The following SYMPK variants were observed in gnomAD, a reference collection of about 807,000 sequenced individuals.
The protein encoded by SYMPK is symplekin scaffold protein, also known as symplekin.
Under a neutral mutation model 136.4 loss-of-function variants are expected in SYMPK, and 49 were observed. That is an observed-to-expected ratio of 0.36 (90% CI 0.29 to 0.46). SYMPK has a LOEUF of 0.46. SYMPK is among the 20% of genes least tolerant of loss of function. The probability of loss-of-function intolerance (pLI) is 1.00; values close to 1 mark genes in which losing one functional copy is unlikely to be tolerated. For synonymous variants in SYMPK, 766 were observed against 713.0 expected, an observed-to-expected ratio of 1.07 and a Z score of -1.19; for missense variants, 1,365 against 1,690.0, an observed-to-expected ratio of 0.81 and a Z score of 3.37.
At chr19:45,849,011 C>T (rs758174712) in intron 5 of SYMPK, 135 bp from the exon 6 acceptor site, 322 of 1,077,236 alleles carry the variant, frequency 3.0e-4, no homozygotes, top group Non-Finnish European at 4.2e-4. Flanking sequence ...AAGCTGGGAA[C>T]AGTGCTTGGT....
In SYMPK at chr19:45,841,829, G is replaced by A. The variant is rs1380358714; in HGVS notation, c.1087+421C>T. Among the ~76,000 whole-genome samples the A allele has an allele frequency of 4.6e-5, 7 of 152,100 alleles. No homozygotes were observed. The East Asian group carries it at 9.6e-4, about 21-fold the overall frequency. The stretch of plus-strand genomic sequence containing the variant: ...CTTCTGGAGGAAAACATAAAGAAGT[G>A]TTCACACCTGGGGAGTGGTTACTTC... On this transcript the variant is annotated intron_variant, in intron 9 of 26. Transcript: ENST00000245934.
Position 45,821,824 on chromosome 19 carries a change from C to T in SYMPK, c.2792-339G>A, listed in dbSNP as rs549704992. On this transcript the variant is annotated intron_variant, in intron 21 of 26. Transcript: ENST00000245934. This position sits in a 1 kb window ranked among gnomAD's most constrained non-coding sequence, Gnocchi z 4.4. ...GTGGTCCCCAACACAGACTCCACCG[C>T]GGCACAGGGGGTCATGGGCATTTGT... 1.6e-4 allele frequency among the ~76,000 whole-genome samples: 24 copies of T among 152,238 alleles called. No individual in the cohort carries two copies. The highest frequency in any genetic ancestry group is 3.9e-4 in the Admixed American group (6 of 15,282).
chr19:45,838,921 T>C (rs569387334), intron 9 of SYMPK, among the ~76,000 whole-genome samples: 1 of 152,328 alleles, frequency 6.6e-6, no homozygotes, highest in African/African-American at 2.4e-5. Flanking sequence ...ACAGTCTTGC[T>C]CGTCACCGAG....
chr19:45,837,616 C>CA (rs58960244), intron 10 of SYMPK, among the ~76,000 whole-genome samples: 32,757 of 77,576 alleles, frequency 0.42, 6,884 homozygotes, highest in Non-Finnish European at 0.43. Flanking sequence ...GACTCTGCCT[C>CA]AAAAAAAAAA....
chr19:45,837,910 C>T (rs28433213), intron 10 of SYMPK, among the ~76,000 whole-genome samples: 14,910 of 152,052 alleles, frequency 0.098, 730 homozygotes, highest in Non-Finnish European at 0.099. Context: ...AGTTCTGCCA[C>T]ATGAGTCTGA....
intron 15 of SYMPK, 21 bp downstream of exon 15, chr19:45,827,816 C>A: frequency 6.2e-7 from 1 of 1,613,350 alleles, no homozygotes; most frequent in Non-Finnish European, 8.5e-7. Flanking sequence ...CCGGGCTGCA[C>A]TGACCAGGGC....
chr19:45,838,321 G>T, intron 10 of SYMPK, 140 bp downstream of exon 10: 1 of 1,081,364 alleles, frequency 9.2e-7, no homozygotes, highest in Admixed American at 2.8e-5. Context: ...CTGCAGAACT[G>T]TAAGCCAATT....
At chr19:45,816,312 T>A in intron 25 of SYMPK, 129 bp from the exon 26 acceptor site, 1 of 1,147,704 alleles carries the variant, frequency 8.7e-7, no homozygotes, top group South Asian at 1.6e-5. Context: ...GGGGCAGTTG[T>A]CCCCCAGACC....
At chr19:45,830,338 CTG>C (rs1971138843) in intron 12 of SYMPK, 134 bp from the exon 13 acceptor site, 1 of 1,043,516 alleles carries the variant, frequency 9.6e-7, no homozygotes, top group South Asian at 1.6e-5. Context: ...TCCAGTTCCT[CTG>C]TGTCTCTGAG....
Position 45,816,782 on chromosome 19 carries a change from TGG to T in SYMPK, c.3258+14_3258+15del. The T allele has an allele frequency of 6.6e-7, 1 of 1,511,710 alleles. No individual in the cohort carries two copies. 93.6% of individuals were successfully genotyped at this position (1,511,710 alleles called of 1,614,324 possible). A position where few individuals can be genotyped will look rare whatever the true frequency, so the allele number is the denominator to read the frequency against. ...CTGGGTGGGGGGAAAGGGTACCTGG[TGG>T]GGGGAAGGGGTACCTGGTGGGGGGT... On this transcript the variant is annotated intron_variant, in intron 24 of 26. Coordinates refer to ENST00000245934, the MANE Select transcript of SYMPK (RefSeq NM_004819.3).
Position 45,852,331 on chromosome 19 carries a change from C to A in SYMPK, c.280G>T (p.Gly94Cys), listed in dbSNP as rs770918794. ...CCATACCATGCCTCCTCGATGAAGC[C>A]GATGACAAATTTTCGCACTTCGATT... ...KSIEVRKFVI[G>C]FIEEACKRDI... is the part of the protein sequence containing the mutation. The change falls in exon 5 of 27, where the codon GGC becomes TGC. Residue 94 changes from glycine to cysteine, a missense_variant. Around this residue, in one of 11 missense-constraint regions of SYMPK, gnomAD observed 237 missense variants for 292.9 expected, o/e 0.81. Coordinates refer to ENST00000245934, the MANE Select transcript of SYMPK (RefSeq NM_004819.3). 1.2e-6 allele frequency: 2 copies of A among 1,614,074 alleles called. No homozygotes were observed. The highest frequency in any genetic ancestry group is 1.1e-5 in the South Asian group (1 of 91,092).
chr19:45,852,365 T>C lies in SYMPK; in HGVS notation c.246A>G (p.Ala82=). The C allele has an allele frequency of 6.2e-7, 1 of 1,614,220 alleles. No homozygotes were observed. Among genetic ancestry groups the C allele is most frequent in the South Asian group, 1.1e-5 (1 of 91,084 alleles). ...NFLDEIIAFQ[A]DKSIEVRKFV... ...ATTTTCGCACTTCGATTGACTTGTC[T>C]GCTTGGAATGCGATGATCTCCTGCC... Residue 82 remains alanine, a synonymous_variant, in exon 5 of 27, where the codon GCA becomes GCG. Coordinates refer to ENST00000245934, the MANE Select transcript of SYMPK (RefSeq NM_004819.3).
In SYMPK at chr19:45,822,545, C is replaced by T. The variant is rs115996878; in HGVS notation, c.2791+211G>A. On this transcript the variant is annotated intron_variant, in intron 21 of 26. Coordinates refer to ENST00000245934, the MANE Select transcript of SYMPK (RefSeq NM_004819.3). The stretch of plus-strand genomic sequence containing the variant: ...GCTGGAGCCTCCGCCCCTAGCTCCA[C>T]GGTCTTGCCCCTGCTGTGAATGAAA... Among the ~76,000 whole-genome samples, 409 of 152,322 alleles carry T rather than the reference C, an allele frequency of 2.7e-3. 1 individual carries two copies. Among genetic ancestry groups the T allele is most frequent in the African/African-American group, 9.1e-3 (378 of 41,572 alleles).
chr19:45,816,500 A>G lies in SYMPK; in HGVS notation c.3336T>C (p.Pro1112=). 1 of 1,613,002 alleles carries G rather than the reference A, an allele frequency of 6.2e-7. No individual in the cohort carries two copies. Among genetic ancestry groups the G allele is most frequent in the East Asian group, 2.2e-5 (1 of 44,852 alleles). ...GKQEPEAKEA[P]AGPLEEDDLE... is the part of the protein sequence containing the mutation. ...CCCTCACCTCCTCCAAGGGCCCCGC[A>G]GGCGCCTCCTTGGCCTCTGGCTCCT... The change falls in exon 25 of 27, where the codon CCT becomes CCC. Residue 1112 remains proline (P), a synonymous_variant. Coordinates refer to ENST00000245934, the MANE Select transcript of SYMPK (RefSeq NM_004819.3).
Position 45,854,408 on chromosome 19 carries a change from T to C in SYMPK, c.88A>G (p.Met30Val). The C allele has an allele frequency of 6.2e-7, 1 of 1,614,158 alleles. No individual in the cohort carries two copies. The highest frequency in any genetic ancestry group is 1.1e-5 in the South Asian group (1 of 91,088). The stretch of plus-strand genomic sequence containing the variant: ...ACGCTCACCCTCTCTGAGGTGGTCA[T>C]GCCATCGATGCCCGGCCCCTCCTCT... ...TQEEGPGIDG[M>V]TTSERVVDLL... Residue 30 changes from methionine to valine, a missense_variant, in exon 2 of 27, where the codon ATG (methionine) becomes GTG (valine). Physicochemically the swap from Met to Val is conservative, Grantham distance 21 (BLOSUM62 1). This residue lies in a region of SYMPK where 61 missense variants were observed against 80.7 expected (regional missense o/e 0.76). Transcript: ENST00000245934.
At chr19:45,822,115 C>CTTTTTTTT (rs141894331) in intron 21 of SYMPK, among the ~76,000 whole-genome samples, 1 of 86,124 alleles carries the variant, frequency 1.2e-5, no homozygotes, top group Non-Finnish European at 2.3e-5. Flanking sequence ...AGTTTTGCTT[C>CTTTTTTTT]TTTTTTTTTT....
At chr19:45,851,817 T>C (rs1022401944) in intron 5 of SYMPK, among the ~76,000 whole-genome samples, 11 of 152,140 alleles carry the variant, frequency 7.2e-5, no homozygotes, top group African/African-American at 2.4e-4. Context: ...GAGGTTGCAG[T>C]GAGCCGAGAT....
intron 18 of SYMPK, 137 bp downstream of exon 18, chr19:45,825,034 C>T: frequency 9.2e-7 from 1 of 1,090,368 alleles, no homozygotes; most frequent in East Asian, 2.5e-5. Flanking sequence ...CTGCAAGCTA[C>T]ACAGCCTGGG....
In SYMPK at chr19:45,848,820, C is replaced by G; in HGVS notation, c.356G>C (p.Arg119Thr). The change falls in exon 6 of 27, where the codon AGG (arginine) becomes ACG (threonine). Residue 119 changes from arginine to threonine, a missense_variant. Transcript: ENST00000245934. ...CTTCACCACGTTCACATTCTCGTCC[C>G]TCAAGAGCATGTTGAGGTTTGCAAT... ...KLIANLNMLL[R>T]DENVNVVKKA... 6.2e-7 allele frequency: 1 copy of G among 1,614,048 alleles called. No individual in the cohort carries two copies. Among genetic ancestry groups the G allele is most frequent in the Non-Finnish European group, 8.5e-7 (1 of 1,180,030 alleles).
Sources: allele counts gnomAD v4.1 joint callset (sites outside exome capture counted in the v4.1 genomes callset), GRCh38; gene constraint gnomAD v4.1.1; regional missense constraint gnomAD v4.1.1; non-coding constraint Gnocchi (gnomAD v3.1); transcripts MANE v1.5; gene names NCBI Gene and HGNC (gene_info 2026-07-23, HGNC 2026-07-21).